Variants in MEIKIN observed in about 807,000 individuals in gnomAD.
MEIKIN encodes meiosis-specific kinetochore protein.
At chr5:131,815,735 T>C (rs1001662879) in intron 12 of MEIKIN, among the ~76,000 whole-genome samples, 3 of 152,222 alleles carry the variant, frequency 2.0e-5, no homozygotes, top group African/African-American at 7.2e-5. Context: ...GTTAATTTTA[T>C]CATACCCTGT....
At chr5:131,908,767 C>G (rs146621524) in intron 8 of MEIKIN, among the ~76,000 whole-genome samples, 1 of 152,094 alleles carries the variant, frequency 6.6e-6, no homozygotes, top group Non-Finnish European at 1.5e-5. Context: ...AAATCAGTGG[C>G]ATTTTCATAT....
chr5:131,825,143 T>C (rs1749590410), intron 11 of MEIKIN, among the ~76,000 whole-genome samples: 2 of 152,234 alleles, frequency 1.3e-5, no homozygotes, highest in South Asian at 4.2e-4. Context: ...AAGGATACGG[T>C]GATCCATGAT....
At chr5:131,867,080 A>G (rs1750396748) in intron 9 of MEIKIN, among the ~76,000 whole-genome samples, 1 of 152,166 alleles carries the variant, frequency 6.6e-6, no homozygotes, top group South Asian at 2.1e-4. Context: ...TTACTTCCTC[A>G]CTTTCCATGG....
chr5:131,926,197 A>G (rs7728535), intron 5 of MEIKIN, among the ~76,000 whole-genome samples: 15,665 of 152,132 alleles, frequency 0.1, 1,898 homozygotes, highest in African/African-American at 0.3. Context: ...AGTCTTTATT[A>G]TGTTGAGGTA....
At chr5:131,873,071 T>C (rs953357663) in intron 9 of MEIKIN, among the ~76,000 whole-genome samples, 52 of 152,172 alleles carry the variant, frequency 3.4e-4, no homozygotes, top group African/African-American at 1.1e-3. Flanking sequence ...CCATCAAGGC[T>C]AGGAAGAAAC....
At chr5:131,934,352 G>C (rs952478231) in intron 4 of MEIKIN, among the ~76,000 whole-genome samples, 3 of 151,992 alleles carry the variant, frequency 2.0e-5, no homozygotes. Context: ...AAAAAACAAT[G>C]AGCCTACACA....
Position 131,897,223 on chromosome 5 carries a change from T to C in MEIKIN, c.703+14592A>G, listed in dbSNP as rs1468370427. On this transcript the variant is annotated intron_variant, in intron 8 of 12. Transcript: ENST00000442687. ...CTGAATATTAGCCCTCACTCTCTTC[T>C]GGCTTGTAGAGTTTCTGCCAAGAGA... Among the ~76,000 whole-genome samples the C allele has an allele frequency of 2.0e-5, 3 of 152,264 alleles. No homozygotes were observed. The East Asian group carries it at 5.8e-4, about 29-fold the overall frequency.
At chr5:131,813,188 T>A (rs1773028114) in intron 12 of MEIKIN, among the ~76,000 whole-genome samples, 1 of 152,224 alleles carries the variant, frequency 6.6e-6, no homozygotes, top group Admixed American at 6.5e-5. Context: ...GAAGATGACA[T>A]GAGGAGTTCT....
intron 8 of MEIKIN, among the ~76,000 whole-genome samples, chr5:131,900,294 T>C (rs1159266341): frequency 1.3e-5 from 2 of 151,894 alleles, no homozygotes; most frequent in Non-Finnish European, 2.9e-5. Flanking sequence ...AGGGAAGGCA[T>C]TGAGAGTGAA....
chr5:131,811,233 T>C (rs1772946330), intron 12 of MEIKIN, among the ~76,000 whole-genome samples: 2 of 152,218 alleles, frequency 1.3e-5, no homozygotes, highest in South Asian at 4.1e-4. Context: ...TTTTGATTTG[T>C]TGCATACTTA....
At chr5:131,851,571 T>C (rs142788680) in intron 10 of MEIKIN, among the ~76,000 whole-genome samples, 188 bp from the exon 11 acceptor site, 34 of 152,326 alleles carry the variant, frequency 2.2e-4, no homozygotes, top group Non-Finnish European at 3.8e-4. Flanking sequence ...AAAAGATGCA[T>C]GTTTAGAGAC....
At chr5:131,911,122 A>C (rs1161928839) in intron 8 of MEIKIN, among the ~76,000 whole-genome samples, 1 of 152,110 alleles carries the variant, frequency 6.6e-6, no homozygotes, top group Non-Finnish European at 1.5e-5. Context: ...TTATCACTAG[A>C]CTAATTTTGC....
At chr5:131,866,965 G>A (rs1442418026) in intron 9 of MEIKIN, among the ~76,000 whole-genome samples, 1 of 152,024 alleles carries the variant, frequency 6.6e-6, no homozygotes, top group Non-Finnish European at 1.5e-5. Context: ...CAATGATACA[G>A]TATATCTCAT....
intron 9 of MEIKIN, among the ~76,000 whole-genome samples, chr5:131,858,594 A>C (rs754738266): frequency 4.6e-5 from 7 of 152,236 alleles, no homozygotes; most frequent in Non-Finnish European, 2.9e-5. Flanking sequence ...GGACCTAATT[A>C]AACAAAAGAG....
chr5:131,849,081 A>G lies in MEIKIN; in HGVS notation c.975+2183T>C, dbSNP rs565848349. Among the ~76,000 whole-genome samples the G allele has an allele frequency of 1.1e-4, 17 of 152,310 alleles. 1 individual carries two copies. The highest frequency in any genetic ancestry group is 1.0e-3 in the Admixed American group (16 of 15,292). ...CTTCAACAAAATAAAAGCCATTGAT[A>G]CGGTTTGGATTTGTGTCCCTGCCCA... is the stretch of plus-strand genomic sequence containing the variant. On this transcript the variant is annotated intron_variant, in intron 11 of 12. Coordinates refer to ENST00000442687, the MANE Select transcript of MEIKIN (RefSeq NM_001303622.2).
rs1750769913 is a variant in MEIKIN at position 131,885,366 on chromosome 5, AGAGAGAGAGAGAGAGAG to A, written c.704-6335_704-6319del. ...AAGAGAGAGAGAGAGAGAGAGAGAG[AGAGAGAGAGAGAGAGAG>A]AGAGAGAGAGAGAGAGAGAGAGAGA... On this transcript the variant is annotated intron_variant, in intron 8 of 12. Transcript: ENST00000442687. Among the ~76,000 whole-genome samples the A allele has an allele frequency of 3.9e-3, 269 of 69,064 alleles. 18 individuals are homozygous for A. The highest frequency in any genetic ancestry group is 9.4e-3 in the African/African-American group (206 of 21,928). 45.3% of individuals were successfully genotyped at this position (69,064 alleles called of 152,430 possible). A position where few individuals can be genotyped will look rare whatever the true frequency, so the allele number is the denominator to read the frequency against.
At chr5:131,854,913 A>C (rs10070720) in intron 9 of MEIKIN, 79 bp from the exon 10 acceptor site, 4,365 of 390,968 alleles carry the variant, frequency 0.011, 72 homozygotes, top group African/African-American at 0.046. Context: ...TACAATTTCA[A>C]GTTAGTTGAC....
intron 8 of MEIKIN, among the ~76,000 whole-genome samples, chr5:131,910,076 G>A (rs1338516785): frequency 2.6e-5 from 4 of 151,904 alleles, no homozygotes; most frequent in African/African-American, 4.8e-5. Context: ...GAGTATATAC[G>A]CAAACAAAAG....
intron 11 of MEIKIN, among the ~76,000 whole-genome samples, chr5:131,844,911 TAC>T (rs1749983013): frequency 6.6e-6 from 1 of 152,076 alleles, no homozygotes; most frequent in Non-Finnish European, 1.5e-5. Context: ...ACCTTAAGTT[TAC>T]ACCTCAAGCT....
Sources: allele counts gnomAD v4.1 joint callset (sites outside exome capture counted in the v4.1 genomes callset), GRCh38; gene constraint gnomAD v4.1.1; transcripts MANE v1.5; gene names NCBI Gene and HGNC (gene_info 2026-07-23, HGNC 2026-07-21).